L3MBTL4: variants seen among roughly 807,000 people sequenced by gnomAD.
L3MBTL4 encodes the protein L3MBTL histone methyl-lysine binding protein 4.
L3MBTL4 carries 70 observed loss-of-function variants against 84.5 expected under a neutral mutation model. The ratio of observed to expected loss-of-function variants is 0.83; its 90% CI spans 0.68 to 1.01. The LOEUF is 1.01. Ranked by LOEUF, L3MBTL4 falls within the 50% of genes least tolerant of loss-of-function variation. The probability of loss-of-function intolerance (pLI) is 0.00; values close to 1 mark genes in which losing one functional copy is unlikely to be tolerated. For missense variants in L3MBTL4, 715 were observed against 754.8 expected (o/e 0.95, Z 0.62); for synonymous variants, 274 against 259.8 (o/e 1.05, Z -0.52).
intron 13 of L3MBTL4, among the ~76,000 whole-genome samples, chr18:6,163,490 G>A (rs2043470429): frequency 6.6e-6 from 1 of 151,982 alleles, no homozygotes; most frequent in Non-Finnish European, 1.5e-5. Context: ...TATTAATCTT[G>A]ATTAATCTAA....
At chr18:6,054,206 C>G (rs753744873) in intron 16 of L3MBTL4, among the ~76,000 whole-genome samples, 45 of 152,094 alleles carry the variant, frequency 3.0e-4, no homozygotes, top group Non-Finnish European at 6.0e-4. Context: ...CAGCCTGCAT[C>G]GTCACAATTT....
At chr18:6,119,594 C>T (rs531848907) in intron 14 of L3MBTL4, among the ~76,000 whole-genome samples, 1 of 152,142 alleles carries the variant, frequency 6.6e-6, no homozygotes, top group African/African-American at 2.4e-5. Flanking sequence ...TATTTTATTC[C>T]TCCTAAGATT....
intron 17 of L3MBTL4, among the ~76,000 whole-genome samples, chr18:5,964,079 C>T (rs574263504): frequency 1.3e-5 from 2 of 152,374 alleles, no homozygotes; most frequent in East Asian, 3.9e-4. Flanking sequence ...TCCCCTTGGC[C>T]TTGGCTCTGG....
At chr18:6,319,095 C>T (rs2051271587) in intron 1 of L3MBTL4, among the ~76,000 whole-genome samples, 1 of 152,016 alleles carries the variant, frequency 6.6e-6, no homozygotes. Flanking sequence ...ACAACAGTGA[C>T]ACAAATTATT....
At chr18:6,094,108 C>T (rs2058552163) in intron 14 of L3MBTL4, among the ~76,000 whole-genome samples, 1 of 152,288 alleles carries the variant, frequency 6.6e-6, no homozygotes, top group Non-Finnish European at 1.5e-5. Flanking sequence ...TATTATCTCC[C>T]CTCACAAGTC....
chr18:6,045,182 A>C (rs9944678), intron 16 of L3MBTL4, among the ~76,000 whole-genome samples: 2,931 of 152,330 alleles, frequency 0.019, 100 homozygotes, highest in African/African-American at 0.067. Flanking sequence ...CTAACAGCAG[A>C]CCGTTCAGCA....
At chr18:6,082,851 G>A (rs905170447) in intron 15 of L3MBTL4, among the ~76,000 whole-genome samples, 1 of 152,172 alleles carries the variant, frequency 6.6e-6, no homozygotes, top group Non-Finnish European at 1.5e-5. Flanking sequence ...GATATGCCAA[G>A]CCAAATCCTG....
At chr18:6,040,538 G>T (rs1218672901) in intron 16 of L3MBTL4, among the ~76,000 whole-genome samples, 1 of 152,142 alleles carries the variant, frequency 6.6e-6, no homozygotes, top group Non-Finnish European at 1.5e-5. Flanking sequence ...AGTACCTGCC[G>T]TGGGTCTGTA....
intron 1 of L3MBTL4, among the ~76,000 whole-genome samples, chr18:6,355,311 C>T (rs1357003574): frequency 5.9e-5 from 9 of 152,160 alleles, no homozygotes; most frequent in South Asian, 4.2e-4. Context: ...ATATATACAT[C>T]GACTATGTAC....
chr18:6,202,946 G>T (rs1401518235), intron 12 of L3MBTL4, among the ~76,000 whole-genome samples: 1 of 152,192 alleles, frequency 6.6e-6, no homozygotes, highest in Non-Finnish European at 1.5e-5. Flanking sequence ...CCAAGGGAAT[G>T]GATGACCTCA....
In L3MBTL4 at chr18:6,084,268, G is replaced by A. The variant is rs149104774; in HGVS notation, c.1374-3317C>T. On this transcript the variant is annotated intron_variant, in intron 15 of 18. Transcript: ENST00000317931. The stretch of plus-strand genomic sequence containing the variant: ...CAAAGTTTCACTAGAACACAGCCAC[G>A]GTCACTTCTCTACTTACTGTCTAGG... Among the ~76,000 whole-genome samples the A allele has an allele frequency of 3.0e-3, 452 of 152,150 alleles. 8 individuals are homozygous for A. The highest frequency in any genetic ancestry group is 0.028 in the Admixed American group (422 of 15,278).
chr18:6,263,796 A>G, intron 5 of L3MBTL4, 151 bp downstream of exon 5: 1 of 693,820 alleles, frequency 1.4e-6, no homozygotes, highest in Non-Finnish European at 2.6e-6. Flanking sequence ...CTGAAACACT[A>G]AAGCTCTGAT....
chr18:6,189,714 A>C (rs2145490447), intron 12 of L3MBTL4, among the ~76,000 whole-genome samples: 1 of 152,364 alleles, frequency 6.6e-6, no homozygotes, highest in African/African-American at 2.4e-5. Context: ...TGGATATTCC[A>C]GAATTTAAAA....
chr18:6,288,951 T>C (rs970324202), intron 4 of L3MBTL4, among the ~76,000 whole-genome samples: 3 of 151,962 alleles, frequency 2.0e-5, no homozygotes, highest in Non-Finnish European at 4.4e-5. Context: ...TAAATATAAG[T>C]CCCTTCTTGC....
intron 12 of L3MBTL4, among the ~76,000 whole-genome samples, chr18:6,175,135 TAGACCACTGAAAATGAAAGCTAAAGGG>T (rs1438415832): frequency 1.3e-5 from 2 of 152,206 alleles, no homozygotes; most frequent in East Asian, 3.9e-4. Context: ...AGGCAAATCA[TAGACCACTGAAAATGAAAGCTAAAGGG>T]AAACCCTGAA....
intron 16 of L3MBTL4, among the ~76,000 whole-genome samples, chr18:6,038,651 G>A (rs920943987): frequency 2.6e-5 from 4 of 152,110 alleles, no homozygotes; most frequent in African/African-American, 7.2e-5. Context: ...GAAGTATAGT[G>A]CAGCAATGTG....
At chr18:6,071,967 G>A (rs1015412453) in intron 16 of L3MBTL4, among the ~76,000 whole-genome samples, 1 of 151,922 alleles carries the variant, frequency 6.6e-6, no homozygotes, top group African/African-American at 2.4e-5. Context: ...GGACAATGAT[G>A]GAGCATATAA....
In L3MBTL4 at chr18:6,010,501, C is replaced by T. The variant is rs374286465; in HGVS notation, c.1445-40939G>A. Among the ~76,000 whole-genome samples the T allele has an allele frequency of 5.3e-5, 8 of 152,272 alleles. No individual in the cohort carries two copies. In the East Asian group the frequency reaches 5.8e-4, roughly 11 times the overall value. On this transcript the variant is annotated intron_variant, in intron 16 of 18. Coordinates refer to ENST00000317931, the MANE Select transcript of L3MBTL4 (RefSeq NM_001330559.2). ...CCTCCCCACCACCTGCATAAATGAT[C>T]GCTGTAGTCAGCGCCACTTGCATGT...
intron 13 of L3MBTL4, among the ~76,000 whole-genome samples, chr18:6,166,359 A>G (rs1472674790): frequency 6.7e-6 from 1 of 150,306 alleles, no homozygotes; most frequent in East Asian, 1.9e-4. Context: ...TCTCCACCCC[A>G]AACAACAGAA....
Sources: gnomAD v4.1 joint callset for allele counts (sites outside exome capture counted in the v4.1 genomes callset) on GRCh38, gnomAD v4.1.1 for gene constraint, MANE v1.5 for transcripts, NCBI Gene and HGNC (gene_info 2026-07-23, HGNC 2026-07-21) for gene names.